Variants in EFCAB6 observed in about 807,000 individuals in gnomAD.
EFCAB6 encodes the protein EF-hand calcium-binding domain-containing protein 6.
EFCAB6 carries 156 observed loss-of-function variants against 169.8 expected under a neutral mutation model. The ratio of observed to expected loss-of-function variants is 0.92; its 90% confidence interval spans 0.81 to 1.05. The LOEUF is 1.05. EFCAB6 is among the 50% of genes least tolerant of loss of function. The pLI, the probability that EFCAB6 is intolerant of heterozygous loss-of-function variation, is 0.00. For synonymous variants in EFCAB6, 698 were observed against 676.4 expected (o/e 1.03, Z -0.50); for missense variants, 1,800 against 1,829.1 (o/e 0.98, Z 0.29).
Position 43,782,328 on chromosome 22 carries a change from G to A in EFCAB6, c.-7-3C>T. ...TCGCCATTTTGCACATTAAATCCCTGTGATATAAAAGAAAACAGATTACGT... is the reference window on the plus strand; with the variant it reads ...TCGCCATTTTGCACATTAAATCCCTATGATATAAAAGAAAACAGATTACGT... On this transcript the variant is annotated splice_region_variant and splice_polypyrimidine_tract_variant and intron_variant, in intron 2 of 31. Coordinates refer to ENST00000262726, the MANE Select transcript of EFCAB6 (RefSeq NM_022785.4). The A allele has an allele frequency of 3.1e-6, 5 of 1,610,372 alleles. No individual in the cohort carries two copies. Among genetic ancestry groups the A allele is most frequent in the Non-Finnish European group, 4.2e-6 (5 of 1,178,902 alleles).
chr22:43,639,642 T>G (rs1256316413), intron 17 of EFCAB6, among the ~76,000 whole-genome samples: 1 of 152,206 alleles, frequency 6.6e-6, no homozygotes, highest in Non-Finnish European at 1.5e-5. Flanking sequence ...ATATCCTACT[T>G]GGGGTTTTCT....
chr22:43,687,340 G>C (rs2058235890), intron 11 of EFCAB6, 131 bp downstream of exon 11: 3 of 579,146 alleles, frequency 5.2e-6, no homozygotes, highest in East Asian at 6.2e-5. Flanking sequence ...CTATATAAAA[G>C]TTGGCAATTA....
At chr22:43,802,722 G>A in intron 2 of EFCAB6, 1 of 506,296 alleles carries the variant, frequency 2.0e-6, no homozygotes, top group East Asian at 5.4e-5. Flanking sequence ...GCACAACATG[G>A]AGATGCCAAA....
At chr22:43,791,965 G>A (rs550888900) in intron 2 of EFCAB6, among the ~76,000 whole-genome samples, 12 of 152,264 alleles carry the variant, frequency 7.9e-5, no homozygotes, top group Admixed American at 3.9e-4. Context: ...TGGTTCCCAC[G>A]GTTGGCCAAT....
chr22:43,589,061 G>A (rs1425238701), intron 24 of EFCAB6, among the ~76,000 whole-genome samples: 5 of 152,034 alleles, frequency 3.3e-5, no homozygotes, highest in African/African-American at 9.6e-5. Flanking sequence ...TTGGTAGTAA[G>A]TCAATAGAAA....
intron 6 of EFCAB6, among the ~76,000 whole-genome samples, chr22:43,749,633 C>T (rs888519465): frequency 6.6e-6 from 1 of 152,104 alleles, no homozygotes; most frequent in Non-Finnish European, 1.5e-5. Flanking sequence ...GGAGCTCAGG[C>T]GGTGATGCTC....
At chr22:43,608,081 G>A (rs1434664444) in intron 22 of EFCAB6, among the ~76,000 whole-genome samples, 1 of 152,100 alleles carries the variant, frequency 6.6e-6, no homozygotes. Flanking sequence ...CCATCTATAG[G>A]TAATGGGGAG....
intron 22 of EFCAB6, among the ~76,000 whole-genome samples, chr22:43,607,092 T>C (rs2052975399): frequency 6.6e-6 from 1 of 152,170 alleles, no homozygotes; most frequent in Non-Finnish European, 1.5e-5. Flanking sequence ...AATTCCATTG[T>C]TCCCGACTGC....
intron 26 of EFCAB6, among the ~76,000 whole-genome samples, chr22:43,569,222 C>T (rs750767148): frequency 1.3e-5 from 2 of 152,210 alleles, no homozygotes; most frequent in Admixed American, 6.5e-5. Flanking sequence ...CACAGCCAAT[C>T]GGGACTTGGG....
chr22:43,784,541 G>GTATATATACACATATATA (rs1357869252), intron 2 of EFCAB6, among the ~76,000 whole-genome samples: 1,869 of 79,640 alleles, frequency 0.023, 235 homozygotes, highest in East Asian at 0.055. Flanking sequence ...GTGTGTGTGT[G>GTATATATACACATATATA]TGTATATGTA....
chr22:43,528,996 G>A (rs2046900346), intron 31 of EFCAB6, 21 bp from the exon 32 acceptor site: 2 of 1,553,522 alleles, frequency 1.3e-6, no homozygotes, highest in East Asian at 4.6e-5. Context: ...GAGAAAAGGG[G>A]CCTCTGAGGC....
At chr22:43,530,779 T>A in intron 31 of EFCAB6, 36 bp downstream of exon 31, 1 of 1,609,198 alleles carries the variant, frequency 6.2e-7, no homozygotes. Context: ...TGGCAGCTGC[T>A]CCCTGCAGAG....
At chr22:43,684,749 CCTT>C (rs562708783) in intron 11 of EFCAB6, among the ~76,000 whole-genome samples, 170 of 152,250 alleles carry the variant, frequency 1.1e-3, no homozygotes, top group African/African-American at 3.3e-3. Context: ...CTTGTTAGAA[CCTT>C]CTTTTTCTAT....
intron 25 of EFCAB6, among the ~76,000 whole-genome samples, chr22:43,579,401 T>G (rs1401111850): frequency 2.0e-5 from 3 of 151,388 alleles, no homozygotes; most frequent in Non-Finnish European, 4.4e-5. Flanking sequence ...CATCATTCCC[T>G]GCATGCAGGC....
At chr22:43,620,386 G>A (rs538977532) in intron 20 of EFCAB6, among the ~76,000 whole-genome samples, 10 of 152,106 alleles carry the variant, frequency 6.6e-5, no homozygotes, top group South Asian at 2.1e-4. Context: ...ATGAGAAAAC[G>A]GAATACTTGC....
chr22:43,540,956 A>G (rs988379059), intron 27 of EFCAB6, among the ~76,000 whole-genome samples: 4 of 147,416 alleles, frequency 2.7e-5, no homozygotes, highest in African/African-American at 1.0e-4. Context: ...TCAAAACCAC[A>G]CACCATGAAG....
At chr22:43,690,454 T>C (rs569438624) in intron 10 of EFCAB6, among the ~76,000 whole-genome samples, 3 of 147,452 alleles carry the variant, frequency 2.0e-5, no homozygotes, top group African/African-American at 7.6e-5. Flanking sequence ...AGGCGGAGCC[T>C]GCAGTGAGCC....
chr22:43,678,576 T>C (rs948508162), intron 12 of EFCAB6, among the ~76,000 whole-genome samples: 1 of 152,130 alleles, frequency 6.6e-6, no homozygotes. Context: ...GCAGTTCAAT[T>C]AGTTTGCCAA....
At chr22:43,777,487 A>C (rs1323996856) in intron 3 of EFCAB6, among the ~76,000 whole-genome samples, 1 of 152,246 alleles carries the variant, frequency 6.6e-6, no homozygotes, top group Non-Finnish European at 1.5e-5. Context: ...TCAGTAATGC[A>C]GGAAGCACTC....
Sources: gnomAD v4.1 joint callset for allele counts (sites outside exome capture counted in the v4.1 genomes callset) on GRCh38, gnomAD v4.1.1 for gene constraint, MANE v1.5 for transcripts, NCBI Gene and HGNC (gene_info 2026-07-23, HGNC 2026-07-21) for gene names.